Variants in VPS13B observed in about 807,000 individuals in gnomAD.
VPS13B encodes the protein intermembrane lipid transfer protein VPS13B.
Under a neutral mutation model 426.4 loss-of-function variants are expected in VPS13B, and 285 were observed. The observed-to-expected ratio is 0.67, with a 90% confidence interval of 0.61 to 0.74. The LOEUF is 0.74. Among genes scored for constraint, VPS13B ranks in the 30% least tolerant of loss-of-function variants. VPS13B has a pLI of 0.00. For synonymous variants in VPS13B, 1,676 were observed against 1,676.4 expected, an observed-to-expected ratio of 1.00 and a Z score of 0.01; for missense variants, 4,537 against 4,782.6, an observed-to-expected ratio of 0.95 and a Z score of 1.51.
At chr8:99,451,507 T>C (rs910172794) in intron 23 of VPS13B, among the ~76,000 whole-genome samples, 1 of 152,168 alleles carries the variant, frequency 6.6e-6, no homozygotes, top group Admixed American at 6.5e-5. Context: ...GCTATTGATA[T>C]CTTTTCCTAG....
At chr8:99,182,960 A>G (rs1255729858) in intron 16 of VPS13B, among the ~76,000 whole-genome samples, 1 of 152,110 alleles carries the variant, frequency 6.6e-6, no homozygotes, top group Admixed American at 6.5e-5. Context: ...GCCAGACTTG[A>G]ACTCCTGACC....
At chr8:99,506,235 G>A (rs1821492909) in intron 27 of VPS13B, among the ~76,000 whole-genome samples, 1 of 152,092 alleles carries the variant, frequency 6.6e-6, no homozygotes, top group Non-Finnish European at 1.5e-5. Context: ...TGATTATTAT[G>A]TATATGGATA....
rs749865979 is a variant in VPS13B, at chr8:99,853,628, G to A, written c.10239G>A (p.Ala3413=). The A allele has an allele frequency of 1.6e-5, 26 of 1,614,076 alleles. No individual in the cohort carries two copies. In the Middle Eastern group the frequency reaches 6.6e-4, roughly 41 times the overall value. Residue 3413 remains alanine (A), a synonymous_variant, in exon 56 of 62, where the codon GCG becomes GCA. Transcript: ENST00000357162. ...TCCCTGGGGAAGAGCCTGTGGCTGC[G>A]TTGTTTGAACTTTACTGTGTGGAGA... is the stretch of plus-strand genomic sequence containing the variant. ...GPLPGEEPVA[A]LFELYCVEIC...
intron 3 of VPS13B, among the ~76,000 whole-genome samples, chr8:99,049,779 T>A (rs766512176): frequency 3.3e-5 from 5 of 151,900 alleles, no homozygotes; most frequent in Non-Finnish European, 7.4e-5. Flanking sequence ...ACTTTTAGAT[T>A]TCTCTTCTTC....
chr8:99,705,746 CTG>C (rs1276095159), intron 36 of VPS13B, among the ~76,000 whole-genome samples: 4 of 152,072 alleles, frequency 2.6e-5, no homozygotes, highest in Non-Finnish European at 4.4e-5. Flanking sequence ...TGTTTTAGTG[CTG>C]TGTGGTTGCT....
chr8:99,645,971 G>T (rs1458241143), intron 34 of VPS13B, among the ~76,000 whole-genome samples: 1 of 152,088 alleles, frequency 6.6e-6, no homozygotes, highest in African/African-American at 2.4e-5. Flanking sequence ...AATATAAATG[G>T]CTATAATGCT....
intron 35 of VPS13B, among the ~76,000 whole-genome samples, chr8:99,664,388 A>T (rs1162049468): frequency 6.6e-6 from 1 of 151,680 alleles, no homozygotes; most frequent in African/African-American, 2.4e-5. Context: ...ACATATGTAT[A>T]CATGTGCCGT....
intron 35 of VPS13B, among the ~76,000 whole-genome samples, chr8:99,670,515 A>G (rs771228848): frequency 1.1e-4 from 17 of 152,040 alleles, no homozygotes; most frequent in Non-Finnish European, 2.1e-4. Context: ...CTCTTTTACC[A>G]AGTTGTAAGT....
At chr8:99,355,748 G>C (rs935460631) in intron 19 of VPS13B, among the ~76,000 whole-genome samples, 1 of 152,096 alleles carries the variant, frequency 6.6e-6, no homozygotes, top group Non-Finnish European at 1.5e-5. Context: ...GTACTTGACT[G>C]GTCGTATGTC....
In VPS13B at chr8:99,520,902, A is replaced by C; in HGVS notation, c.4637A>C (p.Asn1546Thr). The C allele has an allele frequency of 1.9e-6, 3 of 1,613,468 alleles. No individual in the cohort carries two copies. The highest frequency in any genetic ancestry group is 2.5e-6 in the Non-Finnish European group (3 of 1,179,496). Reference protein sequence around the residue: ...TEEMQPTVEANQAAKEDTVVL... With the variant: ...TEEMQPTVEATQAAKEDTVVL... The stretch of plus-strand genomic sequence containing the variant: ...GAATCTCCTTCTTTTGTTACAGCTA[A>C]TCAGGCAGCAAAAGAAGACACTGTG... Residue 1546 changes from asparagine to threonine, a missense_variant, in exon 30 of 62, where the codon AAT becomes ACT. Physicochemically the swap from Asn to Thr is moderately conservative, Grantham distance 65 (BLOSUM62 0). Around this residue, in one of 2 missense-constraint regions of VPS13B, gnomAD observed 4,311 missense variants for 4,474.3 expected, o/e 0.96. Transcript: ENST00000357162.
chr8:99,236,290 C>T (rs1816645079), intron 17 of VPS13B, among the ~76,000 whole-genome samples: 1 of 151,718 alleles, frequency 6.6e-6, no homozygotes, highest in African/African-American at 2.4e-5. Context: ...TGCTCTGCTG[C>T]CCGGGCTGGA....
rs764798396 is a variant in VPS13B at position 99,835,658 on chromosome 8, C to T, written c.9862C>T (p.Leu3288=). Residue 3288 remains leucine, a synonymous_variant, in exon 54 of 62, where the codon CTA becomes TTA. Transcript: ENST00000357162. Reference sequence around the variant, plus strand: ...CAAGACCAAAGACTTACTTCCAAGCCTACTTTTGAGAGTTGAACCTCTAGA... The same window carrying T: ...CAAGACCAAAGACTTACTTCCAAGCTTACTTTTGAGAGTTGAACCTCTAGA... ...DCKTKDLLPS[L]LLRVEPLDEV... The T allele has an allele frequency of 2.5e-6, 4 of 1,614,026 alleles. No individual in the cohort carries two copies. The South Asian group carries it at 4.4e-5, about 18-fold the overall frequency.
intron 17 of VPS13B, among the ~76,000 whole-genome samples, chr8:99,259,155 GA>G (rs1817915162): frequency 6.6e-6 from 1 of 152,030 alleles, no homozygotes; most frequent in Non-Finnish European, 1.5e-5. Context: ...TTACAGATGA[GA>G]AAACTTAGCG....
chr8:99,135,449 A>C, intron 10 of VPS13B, 147 bp from the exon 11 acceptor site: 2 of 1,110,940 alleles, frequency 1.8e-6, no homozygotes, highest in Non-Finnish European at 2.5e-6. Flanking sequence ...CAAAATAGTC[A>C]ATGAAGGTGG....
chr8:99,390,349 C>T (rs1814369874), intron 20 of VPS13B, among the ~76,000 whole-genome samples: 3 of 152,116 alleles, frequency 2.0e-5, no homozygotes, highest in South Asian at 4.2e-4. Flanking sequence ...GTGATCCGTC[C>T]GCCTCAGCCT....
At chr8:99,831,579 G>A (rs1815063497) in intron 51 of VPS13B, among the ~76,000 whole-genome samples, 1 of 152,108 alleles carries the variant, frequency 6.6e-6, no homozygotes, top group African/African-American at 2.4e-5. Flanking sequence ...ATGCATTGTG[G>A]TAAAGTCAGC....
chr8:99,303,006 G>T (rs1246238676), intron 19 of VPS13B, among the ~76,000 whole-genome samples: 1 of 151,956 alleles, frequency 6.6e-6, no homozygotes, highest in Non-Finnish European at 1.5e-5. Context: ...AGGGCCGGGT[G>T]TGGTGGCTCA....
At chr8:99,549,440 G>A (rs910508605) in intron 30 of VPS13B, among the ~76,000 whole-genome samples, 1 of 151,944 alleles carries the variant, frequency 6.6e-6, no homozygotes, top group Non-Finnish European at 1.5e-5. Flanking sequence ...TTCAAAGTAG[G>A]GTTTTTTTTC....
chr8:99,258,203 G>T (rs1477335410), intron 17 of VPS13B, among the ~76,000 whole-genome samples: 1 of 150,642 alleles, frequency 6.6e-6, no homozygotes, highest in South Asian at 2.1e-4. Flanking sequence ...GCATCACTTT[G>T]TACTTAGTTT....
Sources: allele counts gnomAD v4.1 joint callset (sites outside exome capture counted in the v4.1 genomes callset), GRCh38; gene constraint gnomAD v4.1.1; regional missense constraint gnomAD v4.1.1; transcripts MANE v1.5; gene names NCBI Gene and HGNC (gene_info 2026-07-23, HGNC 2026-07-21).